Variants in TMEM178B observed in about 807,000 individuals in gnomAD.
TMEM178B encodes transmembrane protein 178B.
In TMEM178B, 5 loss-of-function variants were observed where a neutral mutation model predicts 31.0. That is an observed-to-expected ratio of 0.16 (90% CI 0.08 to 0.34). TMEM178B has a LOEUF of 0.34. Among genes scored for constraint, TMEM178B ranks in the 10% least tolerant of loss-of-function variants. The pLI is 1.00. For missense variants in TMEM178B, 275 were observed against 400.3 expected (o/e 0.69, Z 2.67); for synonymous variants, 164 against 164.0 (o/e 1.00, Z 0.00).
At chr7:141,316,053 G>A (rs1302480068) in intron 2 of TMEM178B, among the ~76,000 whole-genome samples, 2 of 152,148 alleles carry the variant, frequency 1.3e-5, no homozygotes, top group Non-Finnish European at 2.9e-5. Flanking sequence ...GCCTGTGAGA[G>A]TGATGCCCGG....
intron 2 of TMEM178B, among the ~76,000 whole-genome samples, chr7:141,380,717 G>A (rs946628835): frequency 2.0e-5 from 3 of 152,166 alleles, no homozygotes; most frequent in African/African-American, 4.8e-5. Flanking sequence ...TTGATTGAAT[G>A]CATTTATCAT....
At chr7:141,266,835 A>T (rs1798102104) in intron 2 of TMEM178B, among the ~76,000 whole-genome samples, 1 of 152,250 alleles carries the variant, frequency 6.6e-6, no homozygotes, top group Non-Finnish European at 1.5e-5. Context: ...ATTAACTGAG[A>T]TAGGAGAGGA....
intron 1 of TMEM178B, among the ~76,000 whole-genome samples, chr7:141,106,608 G>C (rs908156032): frequency 6.6e-6 from 1 of 151,968 alleles, no homozygotes; most frequent in Non-Finnish European, 1.5e-5. Flanking sequence ...TCTTCCTCAG[G>C]CCACTTTCTG....
intron 2 of TMEM178B, among the ~76,000 whole-genome samples, chr7:141,271,852 T>C (rs1348356744): frequency 2.0e-5 from 3 of 152,208 alleles, no homozygotes; most frequent in African/African-American, 7.2e-5. Context: ...TCTTTTACCA[T>C]GAGAAAATGG....
chr7:141,343,753 G>A (rs1362446478), intron 2 of TMEM178B, among the ~76,000 whole-genome samples: 2 of 152,104 alleles, frequency 1.3e-5, no homozygotes, highest in African/African-American at 4.8e-5. Flanking sequence ...GTTTCACTGT[G>A]TTAGCCAGGA....
intron 2 of TMEM178B, among the ~76,000 whole-genome samples, chr7:141,421,613 G>A (rs1801211264): frequency 6.6e-6 from 1 of 152,132 alleles, no homozygotes; most frequent in African/African-American, 2.4e-5. Flanking sequence ...ATGATCTCAT[G>A]GGTAAAAGGG....
At chr7:141,314,382 G>A (rs916280439) in intron 2 of TMEM178B, among the ~76,000 whole-genome samples, 32 of 152,248 alleles carry the variant, frequency 2.1e-4, no homozygotes, top group African/African-American at 7.0e-4. Context: ...GACAGGACAA[G>A]GTTCCTTCTG....
chr7:141,178,012 A>C (rs1231212471), intron 1 of TMEM178B, among the ~76,000 whole-genome samples: 1 of 152,190 alleles, frequency 6.6e-6, no homozygotes, highest in African/African-American at 2.4e-5. Flanking sequence ...TTTGCACATT[A>C]GTTTATGCAG....
chr7:141,254,266 C>T (rs572923904), intron 2 of TMEM178B, among the ~76,000 whole-genome samples: 2 of 152,138 alleles, frequency 1.3e-5, no homozygotes, highest in Non-Finnish European at 2.9e-5. Context: ...AGAGGTAAGC[C>T]CTAACAGGTG....
intron 2 of TMEM178B, among the ~76,000 whole-genome samples, chr7:141,431,875 T>C (rs1181737): frequency 0.58 from 88,466 of 152,136 alleles, 26,567 homozygotes; most frequent in African/African-American, 0.73. Flanking sequence ...GTTTCTTACC[T>C]CTAAAGACAG....
rs1463442819 is a variant in TMEM178B at position 141,085,533 on chromosome 7, C to A, written c.382+10841C>A. Among the ~76,000 whole-genome samples the A allele has an allele frequency of 2.3e-5, 2 of 88,886 alleles. 1 individual carries two copies. Among genetic ancestry groups the A allele is most frequent in the African/African-American group, 6.3e-5 (2 of 31,576 alleles). 58.3% of individuals were successfully genotyped at this position (88,886 alleles called of 152,430 possible). A position where few individuals can be genotyped will look rare whatever the true frequency, so the allele number is the denominator to read the frequency against. On this transcript the variant is annotated intron_variant, in intron 1 of 3. Transcript: ENST00000565468. ...GGCAATTTACTTTATATTAGGTCAT[C>A]GTCATGCATTTATATCATTTCCTGC...
At chr7:141,190,577 T>C (rs908964631) in intron 1 of TMEM178B, among the ~76,000 whole-genome samples, 3 of 152,156 alleles carry the variant, frequency 2.0e-5, no homozygotes, top group Middle Eastern at 3.4e-3. Flanking sequence ...TCTCAAGGTG[T>C]TCGGATTACA....
chr7:141,221,156 C>T (rs1038733297), intron 2 of TMEM178B, among the ~76,000 whole-genome samples: 14 of 152,210 alleles, frequency 9.2e-5, no homozygotes, highest in Non-Finnish European at 2.1e-4. Context: ...CTGCATTTTA[C>T]AGCGAGGGAA....
At chr7:141,510,548 G>A in the TMEM178B span, among the ~76,000 whole-genome samples, 2 of 151,530 alleles carry the variant, frequency 1.3e-5, no homozygotes, top group African/African-American at 2.4e-5. Context: ...AGCCAAGTGT[G>A]GTGGTGCATG....
In TMEM178B at chr7:141,474,355, A is replaced by G. The variant is rs1421793304; in HGVS notation, c.*3569A>G. 1 of 152,146 alleles carries G rather than the reference A, an allele frequency of 6.6e-6. No individual in the cohort carries two copies. Among genetic ancestry groups the G allele is most frequent in the Non-Finnish European group, 1.5e-5 (1 of 68,036 alleles). 9.4% of individuals were successfully genotyped at this position (152,146 alleles called of 1,614,324 possible). A position where few individuals can be genotyped will look rare whatever the true frequency, so the allele number is the denominator to read the frequency against. ...GTCAATTAACATAGACAAGTGATTC[A>G]TCTGTAGAGAGGCTCCTAGACTCCA... is the stretch of plus-strand genomic sequence containing the variant. On this transcript the variant is annotated 3_prime_UTR_variant, in exon 4 of 4. Coordinates refer to ENST00000565468, the MANE Select transcript of TMEM178B (RefSeq NM_001195278.2).
chr7:141,346,024 A>C (rs536711901), intron 2 of TMEM178B, among the ~76,000 whole-genome samples: 1 of 150,554 alleles, frequency 6.6e-6, no homozygotes, highest in Non-Finnish European at 1.5e-5. Flanking sequence ...ACGAGAGACC[A>C]TCCTGGCTAA....
Position 141,171,051 on chromosome 7 carries a change from CA to C in TMEM178B, c.383-41539del, listed in dbSNP as rs1796342231. Among the ~76,000 whole-genome samples the C allele has an allele frequency of 1.4e-5, 2 of 145,164 alleles. No individual in the cohort carries two copies. The highest frequency in any genetic ancestry group is 2.2e-4 in the South Asian group (1 of 4,532). On this transcript the variant is annotated intron_variant, in intron 1 of 3. Transcript: ENST00000565468. This position sits in a 1 kb window ranked among gnomAD's most constrained non-coding sequence, Gnocchi z 4.3. ...ACACACACACACACACACACACACA[CA>C]CACACACACACACCCTAAATATAAA...
intron 1 of TMEM178B, among the ~76,000 whole-genome samples, chr7:141,113,400 A>G (rs1795266508): frequency 6.6e-6 from 1 of 152,160 alleles, no homozygotes; most frequent in Non-Finnish European, 1.5e-5. Context: ...CTTGAAAACC[A>G]TTGGACTTGA....
chr7:141,300,218 G>T (rs968723852), intron 2 of TMEM178B, among the ~76,000 whole-genome samples: 1 of 152,166 alleles, frequency 6.6e-6, no homozygotes, highest in African/African-American at 2.4e-5. Context: ...TTGTCTTGTT[G>T]GTCAATCCCA....
Sources: gnomAD v4.1 joint callset for allele counts (sites outside exome capture counted in the v4.1 genomes callset) on GRCh38, gnomAD v4.1.1 for gene constraint, Gnocchi (gnomAD v3.1) non-coding constraint, MANE v1.5 for transcripts, NCBI Gene and HGNC (gene_info 2026-07-23, HGNC 2026-07-21) for gene names.